Variants in USP54 observed in about 807,000 individuals in gnomAD.
USP54 encodes ubiquitin carboxyl-terminal hydrolase 54.
Under a neutral mutation model 170.5 loss-of-function variants are expected in USP54, and 87 were observed. The ratio of observed to expected loss-of-function variants is 0.51; its 90% CI spans 0.43 to 0.61. The LOEUF is 0.61. Ranked by LOEUF, USP54 falls within the 20% of genes least tolerant of loss-of-function variation. The probability of loss-of-function intolerance (pLI) is 0.00; values close to 1 mark genes in which losing one functional copy is unlikely to be tolerated. For synonymous variants in USP54, 655 were observed against 742.8 expected (o/e 0.88, Z 1.92); for missense variants, 1,786 against 2,047.8 (o/e 0.87, Z 2.47).
chr10:73,567,833 T>C (rs569871254), intron 4 of USP54, among the ~76,000 whole-genome samples: 2 of 152,360 alleles, frequency 1.3e-5, no homozygotes, highest in East Asian at 3.9e-4. Flanking sequence ...AATCTTTATA[T>C]CTTTCCTTTG....
chr10:73,539,275 T>A (rs2066002413), intron 10 of USP54, among the ~76,000 whole-genome samples, 169 bp downstream of exon 10: 3 of 125,100 alleles, frequency 2.4e-5, no homozygotes, highest in South Asian at 2.6e-4. Context: ...TGAGACTCCA[T>A]CTCAAAAAAA....
At position 73,518,115 on chromosome 10, in the gene USP54, G is replaced by C. The variant is rs1006122912; in HGVS notation, c.2679-368C>G. On this transcript the variant is annotated intron_variant, in intron 19 of 23. Transcript: ENST00000687698. ...AGTCTCACATGCAGATGACATGGAA[G>C]GTAAGCAAAGCCTGAAAATCACTCA... 7.5e-5 allele frequency: 70 copies of C among 929,136 alleles called. No homozygotes were observed. The African/African-American group carries it at 1.2e-3, about 16-fold the overall frequency. The allele number at this position is 929,136 out of a possible 1,614,324, so 57.6% of individuals were successfully genotyped here.
chr10:73,519,470 A>C (rs1040588534), intron 19 of USP54: 1 of 302,240 alleles, frequency 3.3e-6, no homozygotes, highest in African/African-American at 2.1e-5. Flanking sequence ...ACAACATGAA[A>C]TGTAGCCTGG....
At chr10:73,581,610 G>T (rs146732482) in intron 1 of USP54, among the ~76,000 whole-genome samples, 39 of 152,178 alleles carry the variant, frequency 2.6e-4, no homozygotes, top group African/African-American at 7.0e-4. Context: ...ATCTAAGTCT[G>T]CCCCATCCAC....
In USP54 at chr10:73,576,768, T is replaced by C. The variant is rs536116525; in HGVS notation, c.-581-407A>G. On this transcript the variant is annotated intron_variant, in intron 1 of 23. Coordinates refer to ENST00000687698, the MANE Select transcript of USP54 (RefSeq NM_001391956.1). Reference sequence around the variant, plus strand: ...CTTTTTAAAAGGTGTTTTCCATGAATATGCTTATGAAAACGTGCTTAAAGG... The same window carrying C: ...CTTTTTAAAAGGTGTTTTCCATGAACATGCTTATGAAAACGTGCTTAAAGG... Among the ~76,000 whole-genome samples the C allele has an allele frequency of 4.6e-5, 7 of 152,312 alleles. No homozygotes were observed. In the South Asian group the frequency reaches 1.5e-3, roughly 32 times the overall value.
chr10:73,561,209 G>A (rs1302829900), intron 4 of USP54, among the ~76,000 whole-genome samples: 1 of 150,250 alleles, frequency 6.7e-6, no homozygotes, highest in African/African-American at 2.5e-5. Context: ...TCCAAGCACT[G>A]TACTAGGCAC....
At chr10:73,577,446 A>G (rs2076267300) in intron 1 of USP54, among the ~76,000 whole-genome samples, 1 of 152,214 alleles carries the variant, frequency 6.6e-6, no homozygotes, top group East Asian at 1.9e-4. Context: ...TTGATTATAC[A>G]GCCTACTGTC....
chr10:73,567,867 A>G (rs1367884319), intron 4 of USP54, among the ~76,000 whole-genome samples: 1 of 152,196 alleles, frequency 6.6e-6, no homozygotes, highest in Non-Finnish European at 1.5e-5. Flanking sequence ...TACAATGACT[A>G]GAATCTAGTT....
chr10:73,520,241 A>G lies in USP54; in HGVS notation c.2483-249T>C, dbSNP rs374841095. On this transcript the variant is annotated intron_variant, in intron 18 of 23. Transcript: ENST00000687698. ...AAAAAAACAAAACTAAAATAAATCA[A>G]GAAGATAAACCAGTGCCTCCATCTT... 1.1e-4 allele frequency among the ~76,000 whole-genome samples: 17 copies of G among 152,300 alleles called. No individual in the cohort carries two copies. The East Asian group carries it at 1.5e-3, about 14-fold the overall frequency.
intron 10 of USP54, among the ~76,000 whole-genome samples, chr10:73,538,778 C>T (rs2065875028): frequency 6.6e-6 from 1 of 152,180 alleles, no homozygotes; most frequent in African/African-American, 2.4e-5. Flanking sequence ...CGCCCCTGCA[C>T]TCCAGCCTGG....
chr10:73,526,984 T>A lies in USP54; in HGVS notation c.2061-204A>T, dbSNP rs149966132. On this transcript the variant is annotated intron_variant, in intron 15 of 23. Coordinates refer to ENST00000687698, the MANE Select transcript of USP54 (RefSeq NM_001391956.1). ...TTCACAACTTGTGCATCTAGCACAG[T>A]ATCTGGTACATAATACATATTCAAA... Among the ~76,000 whole-genome samples the A allele has an allele frequency of 3.9e-4, 60 of 152,358 alleles. No individual in the cohort carries two copies. In the East Asian group the frequency reaches 0.011, roughly 29 times the overall value.
intron 1 of USP54, among the ~76,000 whole-genome samples, chr10:73,577,096 T>C (rs2076217075): frequency 6.6e-6 from 1 of 152,220 alleles, no homozygotes; most frequent in Admixed American, 6.5e-5. Flanking sequence ...CCAAAGCAAG[T>C]ATGTTCCCTG....
At chr10:73,595,039 C>A (rs1435012871), upstream of USP54, among the ~76,000 whole-genome samples, 1 of 151,834 alleles carries the variant, frequency 6.6e-6, no homozygotes, top group Non-Finnish European at 1.5e-5. Context: ...GATTCTCCTA[C>A]CTCAGCCTCC....
intron 1 of USP54, chr10:73,624,391 G>GGGC (rs2081355805): frequency 8.6e-6 from 1 of 116,654 alleles, no homozygotes; most frequent in East Asian, 3.1e-4. Flanking sequence ...GTAGAGACGG[G>GGGC]GGGGGGGGGT....
intron 20 of USP54, among the ~76,000 whole-genome samples, chr10:73,510,910 C>T (rs2060096269): frequency 6.6e-6 from 1 of 151,982 alleles, no homozygotes; most frequent in South Asian, 2.1e-4. Context: ...TTAGGAACTA[C>T]GATTATGTCA....
chr10:73,624,395 G>GGGC (rs2081359169), intron 1 of USP54: 1 of 139,052 alleles, frequency 7.2e-6, no homozygotes, highest in South Asian at 2.5e-4. Flanking sequence ...AGACGGGGGG[G>GGGC]GGGGGTTTCA....
chr10:73,520,891 C>A lies in USP54; in HGVS notation c.2482+17G>T. ...TTAGTCAAAAGTGCCACAGCCATAG[C>A]AGTTAGAGTTACTTACAGATAGCTT... On this transcript the variant is annotated intron_variant, in intron 18 of 23. Coordinates refer to ENST00000687698, the MANE Select transcript of USP54 (RefSeq NM_001391956.1). The A allele has an allele frequency of 6.2e-7, 1 of 1,614,036 alleles. No individual in the cohort carries two copies. The highest frequency in any genetic ancestry group is 8.5e-7 in the Non-Finnish European group (1 of 1,180,008).
chr10:73,535,425 G>T (rs2065024047), intron 11 of USP54, among the ~76,000 whole-genome samples: 1 of 151,888 alleles, frequency 6.6e-6, no homozygotes, highest in Admixed American at 6.6e-5. Flanking sequence ...AGGTACAAAG[G>T]GGAGAAAGAA....
At chr10:73,608,794 G>A (rs1043997091) in intron 1 of USP54, among the ~76,000 whole-genome samples, 2 of 152,178 alleles carry the variant, frequency 1.3e-5, no homozygotes, top group African/African-American at 2.4e-5. Context: ...CTACACAGGA[G>A]GCTGAGGTGG....
Sources: allele counts gnomAD v4.1 joint callset (sites outside exome capture counted in the v4.1 genomes callset), GRCh38; gene constraint gnomAD v4.1.1; transcripts MANE v1.5; gene names NCBI Gene and HGNC (gene_info 2026-07-23, HGNC 2026-07-21).